Variants in SNTG2 observed in about 807,000 individuals in gnomAD.
SNTG2 encodes syntrophin gamma 2.
Under a neutral mutation model 70.9 loss-of-function variants are expected in SNTG2, and 74 were observed. The ratio of observed to expected loss-of-function variants is 1.04; its 90% CI spans 0.86 to 1.27. SNTG2 has a LOEUF of 1.27. Among genes scored for constraint, SNTG2 ranks in the 50% most tolerant of loss-of-function variants. SNTG2 has a pLI of 0.00. For synonymous variants in SNTG2, 278 were observed against 273.8 expected (o/e 1.02, Z -0.15); for missense variants, 717 against 690.7 (o/e 1.04, Z -0.43).
At chr2:1,113,327 T>C (rs937116717) in intron 4 of SNTG2, among the ~76,000 whole-genome samples, 1 of 152,142 alleles carries the variant, frequency 6.6e-6, no homozygotes, top group Non-Finnish European at 1.5e-5. Flanking sequence ...TTACAGTCCT[T>C]TGAGAAGGAT....
At chr2:1,232,956 G>C (rs1676360136) in intron 9 of SNTG2, among the ~76,000 whole-genome samples, 1 of 152,210 alleles carries the variant, frequency 6.6e-6, no homozygotes, top group South Asian at 2.1e-4. Context: ...TGTGTGCAAT[G>C]CACACCTTTC....
chr2:1,047,737 C>G (rs1444007761), intron 1 of SNTG2, among the ~76,000 whole-genome samples: 1 of 152,172 alleles, frequency 6.6e-6, no homozygotes, highest in East Asian at 1.9e-4. Context: ...TTTTTATTTC[C>G]TCATGTTTGC....
At chr2:1,252,211 A>G (rs929798024) in intron 12 of SNTG2, among the ~76,000 whole-genome samples, 2 of 152,338 alleles carry the variant, frequency 1.3e-5, no homozygotes, top group African/African-American at 4.8e-5. Flanking sequence ...TTTCAGTGGT[A>G]ATCAATAATA....
chr2:1,150,498 C>T (rs1307098950), intron 6 of SNTG2, among the ~76,000 whole-genome samples: 5 of 152,104 alleles, frequency 3.3e-5, no homozygotes, highest in Non-Finnish European at 7.4e-5. Context: ...GAGGGTCTTC[C>T]CTGGGGGCTT....
intron 1 of SNTG2, among the ~76,000 whole-genome samples, chr2:1,065,304 AGGT>A (rs897704545): frequency 5.3e-5 from 8 of 152,106 alleles, no homozygotes; most frequent in African/African-American, 1.9e-4. Flanking sequence ...CCTCTGTTCT[AGGT>A]GGGTGACCAT....
chr2:962,931 G>A (rs1660401028), intron 1 of SNTG2, among the ~76,000 whole-genome samples: 1 of 152,168 alleles, frequency 6.6e-6, no homozygotes, highest in Non-Finnish European at 1.5e-5. Context: ...CTCTACTAGC[G>A]GGGAATTTGG....
intron 1 of SNTG2, among the ~76,000 whole-genome samples, chr2:1,053,951 A>G (rs922403242): frequency 2.8e-4 from 37 of 132,724 alleles, no homozygotes; most frequent in Admixed American, 1.4e-3. Context: ...TTGCTTCCAT[A>G]TGAGTGGGAG....
intron 1 of SNTG2, among the ~76,000 whole-genome samples, chr2:1,023,721 C>T (rs1347578745): frequency 6.6e-6 from 1 of 152,166 alleles, no homozygotes; most frequent in East Asian, 1.9e-4. Flanking sequence ...ATCTGCACCC[C>T]GCGTAGTCTG....
intron 1 of SNTG2, among the ~76,000 whole-genome samples, chr2:985,292 T>A (rs78258702): frequency 6.9e-6 from 1 of 145,212 alleles, no homozygotes; most frequent in African/African-American, 2.6e-5. Context: ...GACAAGTTGA[T>A]TTTTTTTTTT....
intron 1 of SNTG2, among the ~76,000 whole-genome samples, chr2:971,233 G>T (rs926206143): frequency 6.6e-6 from 1 of 152,146 alleles, no homozygotes; most frequent in African/African-American, 2.4e-5. Context: ...TTCTTGACTT[G>T]TCTGTGAATT....
chr2:1,037,695 C>T (rs764083042), intron 1 of SNTG2, among the ~76,000 whole-genome samples: 4 of 152,090 alleles, frequency 2.6e-5, no homozygotes, highest in South Asian at 4.1e-4. Flanking sequence ...TAACATAGGA[C>T]GTCTGGTCTT....
intron 1 of SNTG2, among the ~76,000 whole-genome samples, chr2:1,047,486 T>C (rs1661805320): frequency 6.6e-6 from 1 of 152,362 alleles, no homozygotes; most frequent in South Asian, 2.1e-4. Flanking sequence ...GTGAGATGTG[T>C]GCTGATACTC....
intron 1 of SNTG2, among the ~76,000 whole-genome samples, chr2:1,001,802 A>G (rs77665306): frequency 6.6e-6 from 1 of 152,258 alleles, no homozygotes; most frequent in African/African-American, 2.4e-5. Flanking sequence ...GAGGCTGAAT[A>G]GCCAAGCAGT....
At chr2:1,272,538 C>T (rs1487186125) in intron 14 of SNTG2, among the ~76,000 whole-genome samples, 1 of 111,636 alleles carries the variant, frequency 9.0e-6, no homozygotes, top group African/African-American at 4.1e-5. Flanking sequence ...TCCCAGGAAA[C>T]AGGTACAGAA....
chr2:1,331,028 C>T (rs879745769), intron 16 of SNTG2, among the ~76,000 whole-genome samples: 3 of 152,186 alleles, frequency 2.0e-5, no homozygotes, highest in Non-Finnish European at 4.4e-5. Context: ...AAGCTCCCAT[C>T]ACCTTGGGGC....
At chr2:1,042,345 G>C (rs73166530) in intron 1 of SNTG2, among the ~76,000 whole-genome samples, 8,057 of 152,052 alleles carry the variant, frequency 0.053, 591 homozygotes, top group African/African-American at 0.16. Context: ...AATTTAACTA[G>C]TATTTCTTTA....
chr2:1,192,534 A>G lies in SNTG2; in HGVS notation c.592-16569A>G, dbSNP rs577668444. ...AGAATTTTTAATTCTTGGTAAATTA[A>G]TTTTTTAATTTTAGAAAACACATGA... is the stretch of plus-strand genomic sequence containing the variant. On this transcript the variant is annotated intron_variant, in intron 8 of 16. Coordinates refer to ENST00000308624, the MANE Select transcript of SNTG2 (RefSeq NM_018968.4). 3.3e-5 allele frequency among the ~76,000 whole-genome samples: 5 copies of G among 152,246 alleles called. No homozygotes were observed. The East Asian group carries it at 9.7e-4, about 29-fold the overall frequency.
rs73908669 is a variant in SNTG2 at position 1,049,753 on chromosome 2, C to G, written c.73-33765C>G. 5.8e-3 allele frequency among the ~76,000 whole-genome samples: 889 copies of G among 152,336 alleles called. 9 individuals are homozygous for G. The highest frequency in any genetic ancestry group is 0.021 in the African/African-American group (855 of 41,574). ...CAACATGGCTGTACCATTTTGCATT[C>G]TCACCAGCAATGAATGAGAGTTCCT... is the stretch of plus-strand genomic sequence containing the variant. On this transcript the variant is annotated intron_variant, in intron 1 of 16. Transcript: ENST00000308624.
chr2:1,004,613 A>T (rs1659508565), intron 1 of SNTG2, among the ~76,000 whole-genome samples: 1 of 152,194 alleles, frequency 6.6e-6, no homozygotes, highest in Non-Finnish European at 1.5e-5. Context: ...CAATGAGACA[A>T]CCCTACACCA....
Sources: allele counts gnomAD v4.1 joint callset (sites outside exome capture counted in the v4.1 genomes callset), GRCh38; gene constraint gnomAD v4.1.1; transcripts MANE v1.5; gene names NCBI Gene and HGNC (gene_info 2026-07-23, HGNC 2026-07-21).